The following AGPS variants were observed in gnomAD, a reference collection of about 807,000 sequenced individuals.
AGPS encodes alkyldihydroxyacetonephosphate synthase, peroxisomal.
AGPS carries 26 observed loss-of-function variants against 90.7 expected under a neutral mutation model. That is an observed-to-expected ratio of 0.29 (90% CI 0.21 to 0.40). The LOEUF (loss-of-function observed/expected upper bound fraction) is 0.40, where lower values mean the gene tolerates loss of function less well. Among genes scored for constraint, AGPS ranks in the 10% least tolerant of loss-of-function variants. The pLI, the probability that AGPS is intolerant of heterozygous loss-of-function variation, is 1.00. For synonymous variants in AGPS, 294 were observed against 285.3 expected, an observed-to-expected ratio of 1.03 and a Z score of -0.31; for missense variants, 540 against 816.1, an observed-to-expected ratio of 0.66 and a Z score of 4.12.
At chr2:177,417,241 T>C (rs1685812185) in intron 1 of AGPS, among the ~76,000 whole-genome samples, 1 of 152,236 alleles carries the variant, frequency 6.6e-6, no homozygotes, top group Admixed American at 6.5e-5. Flanking sequence ...TCCTGATAGT[T>C]CAGTGTATGC....
chr2:177,499,736 GCTT>G lies in AGPS; in HGVS notation c.1475+8_1475+10del. On this transcript the variant is annotated splice_region_variant and intron_variant, in intron 14 of 19. Transcript: ENST00000264167. ...GATATTGCTGCAAAATTTGGGTATG[GCTT>G]CAAGTTCATAATGCCAAGAGAAAGA... 1 of 1,567,650 alleles carries G rather than the reference GCTT, an allele frequency of 6.4e-7. No homozygotes were observed. The highest frequency in any genetic ancestry group is 8.8e-7 in the Non-Finnish European group (1 of 1,138,404).
intron 1 of AGPS, among the ~76,000 whole-genome samples, chr2:177,409,404 T>TA (rs1159820214): frequency 9.8e-5 from 13 of 132,636 alleles, no homozygotes; most frequent in Non-Finnish European, 1.8e-4. Context: ...TTTTTTTTTT[T>TA]ACCTCCTGCT....
chr2:177,475,315 G>C (rs1687748741), intron 10 of AGPS, among the ~76,000 whole-genome samples: 1 of 152,102 alleles, frequency 6.6e-6, no homozygotes, highest in Admixed American at 6.5e-5. Context: ...AGAAAGAGTA[G>C]GTGTGGTAGA....
At chr2:177,522,720 C>T (rs962459914) in intron 18 of AGPS, among the ~76,000 whole-genome samples, 1 of 152,192 alleles carries the variant, frequency 6.6e-6, no homozygotes, top group Non-Finnish European at 1.5e-5. Flanking sequence ...TCCCAAAGTG[C>T]TGGGATTACA....
intron 19 of AGPS, among the ~76,000 whole-genome samples, chr2:177,526,123 A>G (rs2079085075): frequency 6.6e-6 from 1 of 152,212 alleles, no homozygotes; most frequent in Admixed American, 6.5e-5. Flanking sequence ...TAATCAATTC[A>G]CAGAAATAAA....
rs2079217764 is a variant in AGPS, at chr2:177,539,976, ATTTCT to A, written c.*1784_*1788del. On this transcript the variant is annotated 3_prime_UTR_variant, in exon 20 of 20. Coordinates refer to ENST00000264167, the MANE Select transcript of AGPS (RefSeq NM_003659.4). ...TAAAATGCATCTGTTCACGAAGGTA[ATTTCT>A]TTAATTGGTGATCAAAATATAAAAT... 1 of 149,068 alleles carries A rather than the reference ATTTCT, an allele frequency of 6.7e-6. No individual in the cohort carries two copies. Among genetic ancestry groups the A allele is most frequent in the Non-Finnish European group, 1.5e-5 (1 of 67,280 alleles). The allele number at this position is 149,068 out of a possible 1,614,324, so 9.2% of individuals were successfully genotyped here.
intron 19 of AGPS, among the ~76,000 whole-genome samples, chr2:177,527,866 C>A (rs1442204844): frequency 1.3e-5 from 2 of 152,052 alleles, no homozygotes; most frequent in Non-Finnish European, 2.9e-5. Context: ...TATGTCTATC[C>A]TATTTCTTGT....
intron 1 of AGPS, among the ~76,000 whole-genome samples, chr2:177,418,701 A>G (rs925764190): frequency 1.3e-5 from 2 of 151,980 alleles, no homozygotes; most frequent in Admixed American, 6.6e-5. Flanking sequence ...CATAAAAGTG[A>G]AGATAATTTA....
chr2:177,477,729 G>A (rs1687825019), intron 10 of AGPS, among the ~76,000 whole-genome samples: 1 of 151,910 alleles, frequency 6.6e-6, no homozygotes, highest in South Asian at 2.1e-4. Flanking sequence ...TTGTTCCTGT[G>A]GGTTTACATT....
chr2:177,509,039 G>A (rs1005821597), intron 16 of AGPS, among the ~76,000 whole-genome samples: 5 of 151,990 alleles, frequency 3.3e-5, no homozygotes, highest in East Asian at 1.9e-4. Flanking sequence ...TGTATAGGAC[G>A]GAACAATTCC....
chr2:177,531,521 A>G (rs1205298050), intron 19 of AGPS, among the ~76,000 whole-genome samples: 1 of 152,190 alleles, frequency 6.6e-6, no homozygotes, highest in Non-Finnish European at 1.5e-5. Flanking sequence ...AGAGACATAC[A>G]GTATTCATGG....
chr2:177,430,633 A>T (rs1470514704), intron 2 of AGPS, among the ~76,000 whole-genome samples: 3 of 151,744 alleles, frequency 2.0e-5, no homozygotes, highest in African/African-American at 7.3e-5. Context: ...TCCCACTTGG[A>T]TCATCACCCC....
At chr2:177,513,312 C>T (rs1574024281) in intron 16 of AGPS, among the ~76,000 whole-genome samples, 3 of 151,986 alleles carry the variant, frequency 2.0e-5, no homozygotes, top group Admixed American at 2.0e-4. Flanking sequence ...AGGCTAGTCT[C>T]AAACTCCTGG....
chr2:177,491,488 G>A lies in AGPS; in HGVS notation c.1234-1660G>A, dbSNP rs1037144793. On this transcript the variant is annotated intron_variant, in intron 11 of 19. Transcript: ENST00000264167. ...GATGGGGTTTCACCATGTTGGCCAG[G>A]CTGGTCTTGAACTCCTGACCTCGGG... Among the ~76,000 whole-genome samples the A allele has an allele frequency of 1.0e-4, 15 of 149,742 alleles. No individual in the cohort carries two copies. The Middle Eastern group carries it at 0.01, about 103-fold the overall frequency.
At chr2:177,436,623 T>A (rs1410458262) in intron 3 of AGPS, 141 bp from the exon 4 acceptor site, 3 of 739,238 alleles carry the variant, frequency 4.1e-6, no homozygotes, top group Admixed American at 5.2e-5. Flanking sequence ...TTTCTATATA[T>A]GTTGTGTTGT....
intron 17 of AGPS, among the ~76,000 whole-genome samples, chr2:177,517,568 C>G (rs1352174598): frequency 6.6e-6 from 1 of 152,024 alleles, no homozygotes; most frequent in Non-Finnish European, 1.5e-5. Flanking sequence ...ACTTTAAGTG[C>G]AGTATACTTA....
At chr2:177,442,758 A>C (rs1686645434) in intron 7 of AGPS, among the ~76,000 whole-genome samples, 1 of 147,424 alleles carries the variant, frequency 6.8e-6, no homozygotes, top group Admixed American at 7.0e-5. Flanking sequence ...GAGACATAAG[A>C]CTCGCTTGAA....
intron 10 of AGPS, among the ~76,000 whole-genome samples, chr2:177,480,199 C>G (rs568267931): frequency 6.6e-6 from 1 of 152,008 alleles, no homozygotes; most frequent in Non-Finnish European, 1.5e-5. Flanking sequence ...TAAAAAAATA[C>G]CATTTGACCC....
At chr2:177,524,868 G>GA (rs1462272027) in intron 19 of AGPS, among the ~76,000 whole-genome samples, 2 of 152,144 alleles carry the variant, frequency 1.3e-5, no homozygotes, top group African/African-American at 4.8e-5. Flanking sequence ...GTGGACTATG[G>GA]AAGGTGTGTG....
Sources: allele counts gnomAD v4.1 joint callset (sites outside exome capture counted in the v4.1 genomes callset), GRCh38; gene constraint gnomAD v4.1.1; transcripts MANE v1.5; gene names NCBI Gene and HGNC (gene_info 2026-07-23, HGNC 2026-07-21).